ANAPC4: variants seen among roughly 807,000 people sequenced by gnomAD.
The protein encoded by ANAPC4 is anaphase promoting complex subunit 4, also known as anaphase-promoting complex subunit 4.
Under a neutral mutation model 119.8 loss-of-function variants are expected in ANAPC4, and 63 were observed. That is an observed-to-expected ratio of 0.53 (90% CI 0.43 to 0.65). The LOEUF (loss-of-function observed/expected upper bound fraction) is 0.65, where lower values mean the gene tolerates loss of function less well. Among genes scored for constraint, ANAPC4 ranks in the 30% least tolerant of loss-of-function variants. The pLI, the probability that ANAPC4 is intolerant of heterozygous loss-of-function variation, is 0.00. For missense variants in ANAPC4, 716 were observed against 945.1 expected (o/e 0.76, Z 3.18); for synonymous variants, 283 against 318.6 (o/e 0.89, Z 1.19).
chr4:25,388,291 G>GT (rs893734014), intron 4 of ANAPC4, among the ~76,000 whole-genome samples: 27 of 131,170 alleles, frequency 2.1e-4, no homozygotes, highest in Non-Finnish European at 2.7e-4. Flanking sequence ...GCAGGCTGAT[G>GT]TTTTTTTTCC....
At chr4:25,397,663 T>G (rs1158100802) in intron 16 of ANAPC4, among the ~76,000 whole-genome samples, 1 of 152,132 alleles carries the variant, frequency 6.6e-6, no homozygotes, top group Non-Finnish European at 1.5e-5. Flanking sequence ...ACATAGAACT[T>G]CAAAAGCAGA....
chr4:25,393,044 A>G (rs550206436), intron 10 of ANAPC4, among the ~76,000 whole-genome samples: 2 of 152,236 alleles, frequency 1.3e-5, no homozygotes, highest in Non-Finnish European at 2.9e-5. Flanking sequence ...GCGAGACTCA[A>G]GGGCTGAAGA....
Position 25,412,391 on chromosome 4 carries a change from G to A in ANAPC4, c.1526-1254G>A, listed in dbSNP as rs537411299. On this transcript the variant is annotated intron_variant, in intron 21 of 28. Coordinates refer to ENST00000315368, the MANE Select transcript of ANAPC4 (RefSeq NM_013367.3). ...CCCTCTCTCTTCCTTGGAGGCTGGC[G>A]GGTGGAGCTGAAGTTTCCAAACTTC... Among the ~76,000 whole-genome samples the A allele has an allele frequency of 2.1e-4, 32 of 152,192 alleles. No homozygotes were observed. The South Asian group carries it at 4.8e-3, about 23-fold the overall frequency.
At position 25,388,392 on chromosome 4, in the gene ANAPC4, T is replaced by G; in HGVS notation, c.369-108T>G. On this transcript the variant is annotated intron_variant, in intron 4 of 28. Coordinates refer to ENST00000315368, the MANE Select transcript of ANAPC4 (RefSeq NM_013367.3). Reference sequence around the variant, plus strand: ...TATAGTATTTGTGTCATCTATTTACTTGATAATGTTGTAAAACTGGGTATC... The same window carrying G: ...TATAGTATTTGTGTCATCTATTTACGTGATAATGTTGTAAAACTGGGTATC... The G allele has an allele frequency of 1.2e-5, 9 of 727,940 alleles. No homozygotes were observed. In the South Asian group the frequency reaches 1.6e-4, roughly 13 times the overall value. The allele number at this position is 727,940 out of a possible 1,614,324, so 45.1% of individuals were successfully genotyped here. A position where few individuals can be genotyped will look rare whatever the true frequency, so the allele number is the denominator to read the frequency against.
chr4:25,416,568 A>G lies in ANAPC4; in HGVS notation c.2045A>G (p.Glu682Gly), dbSNP rs552682704. The G allele has an allele frequency of 3.2e-6, 5 of 1,572,766 alleles. No individual in the cohort carries two copies. Among genetic ancestry groups the G allele is most frequent in the Non-Finnish European group, 4.3e-6 (5 of 1,153,354 alleles). Residue 682 changes from glutamate to glycine, a missense_variant, in exon 27 of 29, where the codon GAA (glutamate) becomes GGA (glycine). Glu to Gly is a moderately conservative substitution (Grantham distance 98, BLOSUM62 -2). Coordinates refer to ENST00000315368, the MANE Select transcript of ANAPC4 (RefSeq NM_013367.3). ...GTATATAACAGTGAAGATTCTGCAG[A>G]ATATCAGTTCACTGGGACTTATTCT... ...SLVYNSEDSA[E>G]YQFTGTYSTR...
chr4:25,412,668 T>C (rs1560447936), intron 21 of ANAPC4, among the ~76,000 whole-genome samples: 1 of 151,926 alleles, frequency 6.6e-6, no homozygotes, highest in Non-Finnish European at 1.5e-5. Context: ...GGAGAATCGC[T>C]TGAATCCGGG....
At chr4:25,382,193 A>G (rs971688492) in intron 3 of ANAPC4, among the ~76,000 whole-genome samples, 2 of 152,076 alleles carry the variant, frequency 1.3e-5, no homozygotes, top group Admixed American at 1.3e-4. Context: ...GTACTAACCC[A>G]CTATATTTAT....
rs948080018 is a variant in ANAPC4 at position 25,414,452 on chromosome 4, C to T, written c.1686-14C>T. 6.3e-7 allele frequency: 1 copy of T among 1,599,046 alleles called. No individual in the cohort carries two copies. The highest frequency in any genetic ancestry group is 1.7e-4 in the Middle Eastern group (1 of 5,984). On this transcript the variant is annotated splice_polypyrimidine_tract_variant and intron_variant, in intron 23 of 28. Coordinates refer to ENST00000315368, the MANE Select transcript of ANAPC4 (RefSeq NM_013367.3). ...ATTTAAATTTTTCTCATTTCTTTTT[C>T]CCTTTTATTTTAGTGAGGATTCTAC...
chr4:25,394,137 G>A (rs1722506235), intron 11 of ANAPC4, among the ~76,000 whole-genome samples, 173 bp from the exon 12 acceptor site: 1 of 152,192 alleles, frequency 6.6e-6, no homozygotes, highest in African/African-American at 2.4e-5. Context: ...ATAAGGGCAG[G>A]TGTTAGAACA....
chr4:25,384,491 T>C (rs1199988585), intron 4 of ANAPC4, among the ~76,000 whole-genome samples: 4 of 152,218 alleles, frequency 2.6e-5, no homozygotes, highest in Non-Finnish European at 5.9e-5. Flanking sequence ...GAGCGATCGC[T>C]ATGTCAGCTC....
chr4:25,406,187 C>T (rs542978348), intron 18 of ANAPC4, among the ~76,000 whole-genome samples: 1 of 152,270 alleles, frequency 6.6e-6, no homozygotes, highest in Non-Finnish European at 1.5e-5. Flanking sequence ...TAAAATTAGC[C>T]TCATGAGCTA....
chr4:25,377,569 G>T lies in ANAPC4; in HGVS notation c.129+13G>T. On this transcript the variant is annotated intron_variant, in intron 2 of 28. Coordinates refer to ENST00000315368, the MANE Select transcript of ANAPC4 (RefSeq NM_013367.3). ...CACAGCTGGCGAGGTGAGTGAGCCG[G>T]CGGGAGCCCGCCTGTGCTGGGTCTG... 1 of 1,596,254 alleles carries T rather than the reference G, an allele frequency of 6.3e-7. No homozygotes were observed. Among genetic ancestry groups the T allele is most frequent in the Non-Finnish European group, 8.5e-7 (1 of 1,174,072 alleles).
intron 14 of ANAPC4, among the ~76,000 whole-genome samples, chr4:25,396,055 T>A (rs1311883305): frequency 6.6e-6 from 1 of 152,218 alleles, no homozygotes; most frequent in Non-Finnish European, 1.5e-5. Flanking sequence ...CTTTTGCATA[T>A]TCCTCTTGTC....
chr4:25,398,435 A>G (rs1722773733), intron 16 of ANAPC4, among the ~76,000 whole-genome samples: 1 of 152,122 alleles, frequency 6.6e-6, no homozygotes, highest in Admixed American at 6.5e-5. Context: ...AGGGGCAGCA[A>G]GTGTGAAGGC....
At chr4:25,409,555 A>C in intron 20 of ANAPC4, 143 bp from the exon 21 acceptor site, 1 of 590,322 alleles carries the variant, frequency 1.7e-6, no homozygotes, top group Non-Finnish European at 3.0e-6. Context: ...TATTAAGTTA[A>C]AAAAGTGTTA....
chr4:25,406,495 C>G (rs536612074), intron 18 of ANAPC4, among the ~76,000 whole-genome samples: 1 of 152,314 alleles, frequency 6.6e-6, no homozygotes, highest in South Asian at 2.1e-4. Context: ...CACATCTTAT[C>G]TGGGGTCCAG....
At chr4:25,398,843 A>G (rs953177515) in intron 16 of ANAPC4, among the ~76,000 whole-genome samples, 2 of 151,936 alleles carry the variant, frequency 1.3e-5, no homozygotes, top group African/African-American at 4.8e-5. Flanking sequence ...GGAGTCATAG[A>G]TAATTATGAG....
At position 25,390,826 on chromosome 4, in the gene ANAPC4, G is replaced by C. The variant is rs549454999; in HGVS notation, c.601-85G>C. 2.4e-4 allele frequency: 241 copies of C among 993,338 alleles called. 1 individual carries two copies. The African/African-American group carries it at 3.8e-3, about 16-fold the overall frequency. 61.5% of individuals were successfully genotyped at this position (993,338 alleles called of 1,614,324 possible). A position where few individuals can be genotyped will look rare whatever the true frequency, so the allele number is the denominator to read the frequency against. On this transcript the variant is annotated intron_variant, in intron 8 of 28. Transcript: ENST00000315368. The stretch of plus-strand genomic sequence containing the variant: ...TGGGAATTTGTTTCTGCTTTTTAAA[G>C]CTCTGAGTTTTTGCTTTCTGCATGA...
Position 25,409,725 on chromosome 4 carries a change from G to A in ANAPC4, c.1459G>A (p.Val487Met). Residue 487 changes from valine (V) to methionine (M), a missense_variant, in exon 21 of 29, where the codon GTG (valine) becomes ATG (methionine). Around this residue, in one of 3 missense-constraint regions of ANAPC4, gnomAD observed 504 missense variants for 615.8 expected, o/e 0.82. Transcript: ENST00000315368. Reference sequence around the variant, plus strand: ...CTTGAAAGATGAAGATGATGATCTTGTGTCACCCCCTAACACAGAAGGAAA... The same window carrying A: ...CTTGAAAGATGAAGATGATGATCTTATGTCACCCCCTAACACAGAAGGAAA... ...QYLKDEDDDLVSPPNTEGNQW... is the reference protein window; with the variant it reads ...QYLKDEDDDLMSPPNTEGNQW... The A allele has an allele frequency of 6.2e-7, 1 of 1,612,392 alleles. No homozygotes were observed. The highest frequency in any genetic ancestry group is 2.2e-5 in the East Asian group (1 of 44,794).
Sources: gnomAD v4.1 joint callset for allele counts (sites outside exome capture counted in the v4.1 genomes callset) on GRCh38, gnomAD v4.1.1 for gene constraint, gnomAD v4.1.1 regional missense constraint, MANE v1.5 for transcripts, NCBI Gene and HGNC (gene_info 2026-07-23, HGNC 2026-07-21) for gene names.